Variants in CNTNAP5 observed in about 807,000 individuals in gnomAD.
CNTNAP5 encodes contactin associated protein family member 5.
In CNTNAP5, 72 loss-of-function variants were observed where a neutral mutation model predicts 150.2. That is an observed-to-expected ratio of 0.48 (90% confidence interval 0.40 to 0.58). The LOEUF is 0.58. CNTNAP5 is among the 20% of genes least tolerant of loss of function. The pLI, the probability that CNTNAP5 is intolerant of heterozygous loss-of-function variation, is 0.00. For synonymous variants in CNTNAP5, 672 were observed against 619.8 expected (o/e 1.08, Z -1.25); for missense variants, 1,636 against 1,626.2 (o/e 1.01, Z -0.10).
At chr2:124,405,035 G>C (rs907213394) in intron 3 of CNTNAP5, among the ~76,000 whole-genome samples, 6 of 152,128 alleles carry the variant, frequency 3.9e-5, no homozygotes, top group Admixed American at 3.3e-4. Context: ...TAAGGTTGTG[G>C]GGGTGGCGGG....
At chr2:124,410,073 T>A (rs2104768330) in intron 3 of CNTNAP5, among the ~76,000 whole-genome samples, 1 of 152,168 alleles carries the variant, frequency 6.6e-6, no homozygotes, top group South Asian at 2.1e-4. Context: ...AAGGCAGGGG[T>A]TGCCATCCTA....
At chr2:124,576,504 C>T (rs1356454130) in intron 11 of CNTNAP5, among the ~76,000 whole-genome samples, 2 of 152,172 alleles carry the variant, frequency 1.3e-5, no homozygotes, top group African/African-American at 4.8e-5. Context: ...AGCTCACAGG[C>T]CATCAGAGGA....
intron 11 of CNTNAP5, among the ~76,000 whole-genome samples, chr2:124,588,173 CTTCCTTCTTTCTTTCTTTCT>C (rs1558966021): frequency 7.6e-5 from 7 of 92,524 alleles, no homozygotes; most frequent in African/African-American, 2.3e-4. Context: ...TCCTTCCTTC[CTTCCTTCTTTCTTTCTTTCT>C]TTCTTTCTTT....
chr2:124,031,796 G>T (rs2104621137), intron 1 of CNTNAP5, among the ~76,000 whole-genome samples: 1 of 152,230 alleles, frequency 6.6e-6, no homozygotes, highest in African/African-American at 2.4e-5. Context: ...ATAAAAAGGA[G>T]AAGTTTGGGT....
intron 19 of CNTNAP5, among the ~76,000 whole-genome samples, chr2:124,819,351 C>T (rs948627168): frequency 6.6e-6 from 1 of 152,060 alleles, no homozygotes; most frequent in African/African-American, 2.4e-5. Flanking sequence ...TGAATTTTCA[C>T]TACCACTTAG....
At chr2:124,195,704 T>G (rs1685565925) in intron 1 of CNTNAP5, among the ~76,000 whole-genome samples, 1 of 152,126 alleles carries the variant, frequency 6.6e-6, no homozygotes, top group Admixed American at 6.5e-5. Flanking sequence ...TTGTGGAGGA[T>G]GCAGAGGGGA....
At chr2:124,531,414 C>T (rs1313009578) in intron 10 of CNTNAP5, among the ~76,000 whole-genome samples, 4 of 152,070 alleles carry the variant, frequency 2.6e-5, no homozygotes, top group Admixed American at 2.6e-4. Context: ...GTTTGAGGAC[C>T]CCTGGTCTAA....
At chr2:124,364,205 G>A (rs1690302866) in intron 3 of CNTNAP5, among the ~76,000 whole-genome samples, 1 of 152,138 alleles carries the variant, frequency 6.6e-6, no homozygotes. Context: ...CACATTGGCT[G>A]ACTTGTTTTT....
intron 2 of CNTNAP5, among the ~76,000 whole-genome samples, chr2:124,231,841 A>G (rs753703780): frequency 2.0e-5 from 3 of 152,144 alleles, no homozygotes; most frequent in Admixed American, 6.6e-5. Context: ...ATAGCCCTCT[A>G]TTCAGGCTGG....
At chr2:124,517,723 T>A (rs1456777817) in intron 8 of CNTNAP5, among the ~76,000 whole-genome samples, 1 of 141,508 alleles carries the variant, frequency 7.1e-6, no homozygotes, top group Non-Finnish European at 1.5e-5. Flanking sequence ...GGGGTTGTGG[T>A]GTTGGTGATG....
At chr2:124,089,517 A>G (rs1682769374) in intron 1 of CNTNAP5, among the ~76,000 whole-genome samples, 1 of 151,906 alleles carries the variant, frequency 6.6e-6, no homozygotes, top group African/African-American at 2.4e-5. Flanking sequence ...TATGTTTTGT[A>G]CTCTCCATTC....
chr2:124,868,420 T>C (rs1677675728), intron 20 of CNTNAP5, among the ~76,000 whole-genome samples: 1 of 152,158 alleles, frequency 6.6e-6, no homozygotes, highest in South Asian at 2.1e-4. Context: ...CTCACTGCTT[T>C]GCCTAGGATG....
chr2:124,397,588 T>C (rs763163481), intron 3 of CNTNAP5, among the ~76,000 whole-genome samples: 2 of 152,224 alleles, frequency 1.3e-5, no homozygotes, highest in Non-Finnish European at 1.5e-5. Context: ...TGCAAAGTCA[T>C]CTTTGGAGGT....
At chr2:124,361,047 ATTTCATTCG>A (rs1406608369) in intron 3 of CNTNAP5, among the ~76,000 whole-genome samples, 68 of 122,954 alleles carry the variant, frequency 5.5e-4, no homozygotes, top group Non-Finnish European at 8.1e-4. Flanking sequence ...TTCTCGCTTC[ATTTCATTCG>A]TTTCATCTTC....
chr2:124,572,803 A>C lies in CNTNAP5; in HGVS notation c.1756+9480A>C, dbSNP rs142665602. Among the ~76,000 whole-genome samples the C allele has an allele frequency of 6.1e-3, 926 of 152,284 alleles. 1 individual carries two copies. The highest frequency in any genetic ancestry group is 0.027 in the Middle Eastern group (8 of 294). On this transcript the variant is annotated intron_variant, in intron 11 of 23. Coordinates refer to ENST00000682447, the MANE Select transcript of CNTNAP5 (RefSeq NM_001367498.1). ...ATTTGCACATCTCTTGGCCACAAAG[A>C]CTTCTTACCACTGTCTTTTCCTGAA...
At chr2:124,405,460 T>C (rs1363975725) in intron 3 of CNTNAP5, among the ~76,000 whole-genome samples, 1 of 152,216 alleles carries the variant, frequency 6.6e-6, no homozygotes, top group Non-Finnish European at 1.5e-5. Context: ...CACTTATATA[T>C]GCAGGTGATT....
intron 2 of CNTNAP5, among the ~76,000 whole-genome samples, chr2:124,238,285 C>T (rs1686802857): frequency 6.6e-6 from 1 of 151,880 alleles, no homozygotes; most frequent in Non-Finnish European, 1.5e-5. Context: ...GAAATGCTAC[C>T]CACTATCCTG....
chr2:124,077,107 T>G (rs1682455458), intron 1 of CNTNAP5, among the ~76,000 whole-genome samples: 1 of 124,432 alleles, frequency 8.0e-6, no homozygotes, highest in Admixed American at 7.7e-5. Flanking sequence ...CTTGAAAGAG[T>G]GAGGCACAGT....
At chr2:124,526,190 G>A (rs1694963097) in intron 9 of CNTNAP5, among the ~76,000 whole-genome samples, 1 of 152,116 alleles carries the variant, frequency 6.6e-6, no homozygotes, top group Admixed American at 6.6e-5. Flanking sequence ...AGGGACCCTG[G>A]GTTTAGAAGG....
Sources: gnomAD v4.1 joint callset for allele counts (sites outside exome capture counted in the v4.1 genomes callset) on GRCh38, gnomAD v4.1.1 for gene constraint, MANE v1.5 for transcripts, NCBI Gene and HGNC (gene_info 2026-07-23, HGNC 2026-07-21) for gene names.